Variants in HOOK2 observed in about 807,000 individuals in gnomAD.
HOOK2 encodes protein Hook homolog 2.
A neutral mutation model predicts 111.9 loss-of-function variants in HOOK2; 108 were observed. That is an observed-to-expected ratio of 0.96 (90% CI 0.83 to 1.13). HOOK2 has a LOEUF of 1.13. Among genes scored for constraint, HOOK2 ranks in the 50% most tolerant of loss-of-function variants. The pLI is 0.00. For missense variants in HOOK2, 978 were observed against 951.3 expected, an observed-to-expected ratio of 1.03 and a Z score of -0.37; for synonymous variants, 405 against 394.3, an observed-to-expected ratio of 1.03 and a Z score of -0.32.
Position 12,774,724 on chromosome 19 carries a change from T to C in HOOK2, c.149A>G (p.Asn50Ser), listed in dbSNP as rs754208368. ...CGAGATGCCCTGGAGCCATGCCTCG[T>C]TGAACCAGGAGGGGTCTCTGGGGGC... is the stretch of plus-strand genomic sequence containing the variant. ...VLNQIDPSWF[N>S]EAWLQGISED... The change falls in exon 3 of 23, where the codon AAC becomes AGC. Residue 50 changes from asparagine (N) to serine (S), a missense_variant. Asn to Ser is a conservative substitution (Grantham distance 46). Coordinates refer to ENST00000397668, the MANE Select transcript of HOOK2 (RefSeq NM_013312.3). The C allele has an allele frequency of 9.9e-6, 16 of 1,614,016 alleles. No individual in the cohort carries two copies. The Admixed American group carries it at 2.5e-4, about 25-fold the overall frequency.
intron 12 of HOOK2, 50 bp downstream of exon 12, chr19:12,767,963 T>C: frequency 3.7e-6 from 6 of 1,610,608 alleles, no homozygotes; most frequent in Non-Finnish European, 4.2e-6. Context: ...GGAAATGGGC[T>C]ACCCCAGAAT....
At chr19:12,767,360 G>A (rs1247426159) in intron 14 of HOOK2, 35 bp downstream of exon 14, 2 of 1,587,722 alleles carry the variant, frequency 1.3e-6, no homozygotes, top group Admixed American at 1.7e-5. Flanking sequence ...TGGCAAGCCT[G>A]GGTGGGGCCA....
rs766565119 is a variant in HOOK2 at position 12,774,908 on chromosome 19, A to G, written c.46-11T>C. ...GTGGAACGTCTGTAACTGAGGGGTA[A>G]AGGAAAGGACAAGGAAAGAGTTAGG... On this transcript the variant is annotated splice_polypyrimidine_tract_variant and intron_variant, in intron 1 of 22. Coordinates refer to ENST00000397668, the MANE Select transcript of HOOK2 (RefSeq NM_013312.3). 6.2e-7 allele frequency: 1 copy of G among 1,611,970 alleles called. No individual in the cohort carries two copies. The highest frequency in any genetic ancestry group is 8.5e-7 in the Non-Finnish European group (1 of 1,178,824).
Position 12,766,159 on chromosome 19 carries a change from C to T in HOOK2, c.1455G>A (p.Leu485=), listed in dbSNP as rs1359910138. 4 of 1,598,822 alleles carry T rather than the reference C, an allele frequency of 2.5e-6. No homozygotes were observed. In the East Asian group the frequency reaches 9.0e-5, roughly 36 times the overall value. ...GGTTGGCATCCTCCAGGTGGCGCTG[C>T]AGCTCCTCCTGCCGCTCCCGGTCGG... ...EAADRERQEE[L]QRHLEDANRA... is the part of the protein sequence containing the mutation. Residue 485 remains leucine, a synonymous_variant, in exon 15 of 23, where the codon CTG becomes CTA. Transcript: ENST00000397668.
chr19:12,779,882 G>A (rs1029204423), upstream of HOOK2, among the ~76,000 whole-genome samples: 1 of 152,198 alleles, frequency 6.6e-6, no homozygotes, highest in Non-Finnish European at 1.5e-5. Flanking sequence ...GGGCTTGGTG[G>A]CTCGCGCCAG....
upstream of HOOK2, among the ~76,000 whole-genome samples, chr19:12,780,801 A>AC (rs922212836): frequency 8.8e-5 from 11 of 124,416 alleles, no homozygotes; most frequent in African/African-American, 3.4e-4. Flanking sequence ...ACACAGTGAA[A>AC]CCCCGTCTCT....
chr19:12,763,441 G>A lies in HOOK2; in HGVS notation c.2011-10C>T. 2 of 1,613,606 alleles carry A rather than the reference G, an allele frequency of 1.2e-6. No individual in the cohort carries two copies. Among genetic ancestry groups the A allele is most frequent in the Non-Finnish European group, 1.7e-6 (2 of 1,179,768 alleles). ...GCTGCAAGGCCATGCCCTTCAGGAGGAGGTGTGGTTGGGGTCAGGTGAGCT... is the reference window on the plus strand; with the variant it reads ...GCTGCAAGGCCATGCCCTTCAGGAGAAGGTGTGGTTGGGGTCAGGTGAGCT... On this transcript the variant is annotated splice_polypyrimidine_tract_variant and intron_variant, in intron 22 of 22. Coordinates refer to ENST00000397668, the MANE Select transcript of HOOK2 (RefSeq NM_013312.3).
intron 3 of HOOK2, among the ~76,000 whole-genome samples, chr19:12,785,621 T>C (rs1480771283): frequency 6.6e-6 from 1 of 152,164 alleles, no homozygotes; most frequent in Non-Finnish European, 1.5e-5. Flanking sequence ...AGATAAGCCC[T>C]ACATAGACCT....
At chr19:12,777,342 C>A (rs1032457963), upstream of HOOK2, among the ~76,000 whole-genome samples, 5 of 151,576 alleles carry the variant, frequency 3.3e-5, no homozygotes, top group African/African-American at 1.2e-4. Context: ...AGTAGCTGGG[C>A]GTGGTGGCAC....
rs1319143466 is a variant in HOOK2 at position 12,763,668 on chromosome 19, C to G, written c.1938G>C (p.Glu646Asp). The G allele has an allele frequency of 5.6e-6, 9 of 1,613,870 alleles. No individual in the cohort carries two copies. The highest frequency in any genetic ancestry group is 1.1e-5 in the South Asian group (1 of 91,086). Residue 646 changes from glutamate (E) to aspartate (D), a missense_variant and splice_region_variant, in exon 21 of 23, where the codon GAG (glutamate) becomes GAC (aspartate). By Grantham distance (45) the Glu-to-Asp change is conservative. Coordinates refer to ENST00000397668, the MANE Select transcript of HOOK2 (RefSeq NM_013312.3). ...AGCGTAAAGGGACGAGGACACCCAC[C>G]TCCAGGTGTCGGATGCGGACATCCC... ...RERDVRIRHL[E>D]MDFEKSRSQR...
In HOOK2 at chr19:12,772,223, C is replaced by T. The variant is rs757115145; in HGVS notation, c.486G>A (p.Leu162=). The part of the protein sequence containing the change: ...ELMTKDTPDS[L]SPETYGNFDS... ...CAAAGTTGCCATACGTCTCTGGTGA[C>T]AGGGAGTCAGGAGTGTCTTTGGTCA... Residue 162 remains leucine (L), a synonymous_variant, in exon 7 of 23, where the codon CTG becomes CTA. Coordinates refer to ENST00000397668, the MANE Select transcript of HOOK2 (RefSeq NM_013312.3). The T allele has an allele frequency of 5.6e-6, 9 of 1,614,102 alleles. No homozygotes were observed. The highest frequency in any genetic ancestry group is 5.0e-5 in the Admixed American group (3 of 60,018).
At chr19:12,767,604 T>C (rs1968192842) in intron 13 of HOOK2, 140 bp from the exon 14 acceptor site, 4 of 884,646 alleles carry the variant, frequency 4.5e-6, no homozygotes, top group East Asian at 2.7e-5. Flanking sequence ...CCCGGCTTGA[T>C]AGAGAACCGG....
rs766243047 is a variant in HOOK2, at chr19:12,772,790, C to T, written c.378G>A (p.Glu126=). The T allele has an allele frequency of 4.3e-6, 7 of 1,614,152 alleles. No individual in the cohort carries two copies. The South Asian group carries it at 7.7e-5, about 18-fold the overall frequency. The change falls in exon 5 of 23, where the codon GAG becomes GAA. Residue 126 remains glutamate, a synonymous_variant. Coordinates refer to ENST00000397668, the MANE Select transcript of HOOK2 (RefSeq NM_013312.3). The part of the protein sequence containing the change: ...QLVLGCAISC[E]KKQDHIQRIM... Reference sequence around the variant, plus strand: ...CTAAGCTCCCCATACCCTGCTTTTTCTCGCAACTGATGGCACAGCCCAGCA... The same window carrying T: ...CTAAGCTCCCCATACCCTGCTTTTTTTCGCAACTGATGGCACAGCCCAGCA...
In HOOK2 at chr19:12,763,578, T is replaced by A; in HGVS notation, c.1960A>T (p.Ser654Cys). The A allele has an allele frequency of 6.2e-7, 1 of 1,614,236 alleles. No individual in the cohort carries two copies. Among genetic ancestry groups the A allele is most frequent in the East Asian group, 2.2e-5 (1 of 44,886 alleles). Residue 654 changes from serine to cysteine, a missense_variant, in exon 22 of 23, where the codon AGT (serine) becomes TGT (cysteine). By Grantham distance (112) the Ser-to-Cys change is moderately radical. This residue lies in a region of HOOK2 where 277 missense variants were observed against 265.8 expected (regional missense o/e 1.04). Coordinates refer to ENST00000397668, the MANE Select transcript of HOOK2 (RefSeq NM_013312.3). ...AGCTTTTCTTCCTGCTCCCGCTGAC[T>A]TCGGCTTTTCTCAAAGTCCATCTGT... ...HLEMDFEKSR[S>C]QREQEEKLLI...
chr19:12,767,729 CAACCTAGA>C lies in HOOK2; in HGVS notation c.1303+79_1303+86del, dbSNP rs1433004521. The C allele has an allele frequency of 2.3e-6, 3 of 1,277,500 alleles. No individual in the cohort carries two copies. The East Asian group carries it at 7.4e-5, about 32-fold the overall frequency. The allele number at this position is 1,277,500 out of a possible 1,614,324, so 79.1% of individuals were successfully genotyped here. On this transcript the variant is annotated intron_variant, in intron 13 of 22. Coordinates refer to ENST00000397668, the MANE Select transcript of HOOK2 (RefSeq NM_013312.3). The stretch of plus-strand genomic sequence containing the variant: ...CTCCAGCCTGGCCTAGCTCTGTCCC[CAACCTAGA>C]CATGCACTGGGACACAACCTGTTCT...
chr19:12,782,638 G>C (rs1276239279), upstream of HOOK2, among the ~76,000 whole-genome samples: 3 of 152,126 alleles, frequency 2.0e-5, no homozygotes, highest in Non-Finnish European at 4.4e-5. Context: ...CGGGAGCTCT[G>C]CACTGGCTGC....
Position 12,774,649 on chromosome 19 carries a change from A to G in HOOK2, c.204+20T>C. 6.2e-7 allele frequency: 1 copy of G among 1,613,312 alleles called. No individual in the cohort carries two copies. Among genetic ancestry groups the G allele is most frequent in the Non-Finnish European group, 8.5e-7 (1 of 1,179,288 alleles). Reference sequence around the variant, plus strand: ...CATCTCTTCACCAGTCTGTCCTCTAATCAGGAGTCCACTTGTCACCTTCAG... The same window carrying G: ...CATCTCTTCACCAGTCTGTCCTCTAGTCAGGAGTCCACTTGTCACCTTCAG... On this transcript the variant is annotated intron_variant, in intron 3 of 22. Coordinates refer to ENST00000397668, the MANE Select transcript of HOOK2 (RefSeq NM_013312.3).
At position 12,763,386 on chromosome 19, in the gene HOOK2, G is replaced by C. The variant is rs537457758; in HGVS notation, c.2056C>G (p.His686Asp). The C allele has an allele frequency of 6.2e-7, 1 of 1,613,974 alleles. No homozygotes were observed. Among genetic ancestry groups the C allele is most frequent in the South Asian group, 1.1e-5 (1 of 91,092 alleles). Residue 686 changes from histidine to aspartate, a missense_variant, in exon 23 of 23, where the codon CAT (histidine) becomes GAT (aspartate). Coordinates refer to ENST00000397668, the MANE Select transcript of HOOK2 (RefSeq NM_013312.3). ...QRAGEERAPA[H>D]AQSFLAQQRL... Reference sequence around the variant, plus strand: ...TGCTGTGCCAGGAATGACTGGGCATGGGCAGGCGCCCGCTCCTCCCCAGCT... The same window carrying C: ...TGCTGTGCCAGGAATGACTGGGCATCGGCAGGCGCCCGCTCCTCCCCAGCT...
chr19:12,783,830 G>A (rs1851293954), intron 3 of HOOK2, among the ~76,000 whole-genome samples: 1 of 152,174 alleles, frequency 6.6e-6, no homozygotes, highest in Non-Finnish European at 1.5e-5. Flanking sequence ...CAGCAGAAGC[G>A]AGTCCTTGCC....
Sources: allele counts gnomAD v4.1 joint callset (sites outside exome capture counted in the v4.1 genomes callset), GRCh38; gene constraint gnomAD v4.1.1; regional missense constraint gnomAD v4.1.1; transcripts MANE v1.5; gene names NCBI Gene and HGNC (gene_info 2026-07-23, HGNC 2026-07-21).